The following MAGI1 variants were observed in gnomAD, a reference collection of about 807,000 sequenced individuals.
MAGI1 encodes the protein membrane-associated guanylate kinase, WW and PDZ domain-containing protein 1.
In MAGI1, 58 loss-of-function variants were observed where a neutral mutation model predicts 139.9. That is an observed-to-expected ratio of 0.41 (90% CI 0.34 to 0.52). The LOEUF (loss-of-function observed/expected upper bound fraction) is 0.52. MAGI1 is among the 20% of genes least tolerant of loss of function. The probability of loss-of-function intolerance (pLI) is 0.12; values close to 1 mark genes in which losing one functional copy is unlikely to be tolerated. For synonymous variants in MAGI1, 812 were observed against 737.9 expected (o/e 1.10, Z -1.63); for missense variants, 1,874 against 1,901.6 (o/e 0.99, Z 0.27).
intron 1 of MAGI1, among the ~76,000 whole-genome samples, chr3:65,792,566 A>G (rs1002970741): frequency 2.0e-5 from 3 of 152,132 alleles, no homozygotes; most frequent in Admixed American, 2.0e-4. Flanking sequence ...CTATATAGCT[A>G]GCTATAACAA....
chr3:65,933,136 A>C (rs1349674516), intron 1 of MAGI1, among the ~76,000 whole-genome samples: 1 of 152,216 alleles, frequency 6.6e-6, no homozygotes, highest in African/African-American at 2.4e-5. Flanking sequence ...ACTCAATATT[A>C]ATCCACTTGA....
At chr3:65,689,153 G>T (rs1315260631) in intron 1 of MAGI1, among the ~76,000 whole-genome samples, 1 of 152,196 alleles carries the variant, frequency 6.6e-6, no homozygotes, top group East Asian at 1.9e-4. Context: ...GTCTCTTCAA[G>T]GGAAAACAAA....
chr3:65,365,985 C>G (rs1386035757), intron 18 of MAGI1, among the ~76,000 whole-genome samples: 1 of 152,186 alleles, frequency 6.6e-6, no homozygotes, highest in Admixed American at 6.5e-5. Flanking sequence ...TCTTACTCAG[C>G]TTTGGTCCGG....
At chr3:65,676,243 A>G (rs2087182326) in intron 1 of MAGI1, among the ~76,000 whole-genome samples, 1 of 152,226 alleles carries the variant, frequency 6.6e-6, no homozygotes, top group African/African-American at 2.4e-5. Flanking sequence ...GCACTCACAC[A>G]TGACAATGAT....
intron 1 of MAGI1, among the ~76,000 whole-genome samples, chr3:66,026,719 C>G (rs1399653329): frequency 1.3e-5 from 2 of 151,782 alleles, no homozygotes; most frequent in Non-Finnish European, 2.9e-5. Flanking sequence ...TGAGACTGAT[C>G]AGAGAGAAGA....
chr3:65,949,330 CTGT>C, intron 1 of MAGI1, among the ~76,000 whole-genome samples: 1 of 152,322 alleles, frequency 6.6e-6, no homozygotes, highest in Admixed American at 6.5e-5. Flanking sequence ...ATTGCTATTT[CTGT>C]TGTTATTACT....
chr3:65,708,317 A>T (rs879500128), intron 1 of MAGI1, among the ~76,000 whole-genome samples: 1 of 152,198 alleles, frequency 6.6e-6, no homozygotes, highest in African/African-American at 2.4e-5. Flanking sequence ...TTTCATTGGG[A>T]TAAGTATCCT....
Position 65,549,160 on chromosome 3 carries a change from G to T in MAGI1, c.431-55529C>A, listed in dbSNP as rs563807988. ...ATGGCTGGCTGGAGCCTCCGGGCGC[G>T]GGAGGGACGCGACCGCCAGCCTGGG... On this transcript the variant is annotated intron_variant, in intron 2 of 22. Transcript: ENST00000402939. Among the ~76,000 whole-genome samples the T allele has an allele frequency of 3.9e-5, 6 of 152,234 alleles. No homozygotes were observed. The East Asian group carries it at 1.2e-3, about 30-fold the overall frequency.
chr3:65,898,097 T>C (rs1040105859), intron 1 of MAGI1, among the ~76,000 whole-genome samples: 4 of 152,214 alleles, frequency 2.6e-5, no homozygotes, highest in Admixed American at 2.6e-4. Flanking sequence ...TAAATGCTTG[T>C]GATTAGACTG....
intron 1 of MAGI1, among the ~76,000 whole-genome samples, chr3:65,721,996 C>T (rs572521549): frequency 6.6e-6 from 1 of 152,168 alleles, no homozygotes; most frequent in Admixed American, 6.5e-5. Flanking sequence ...CTCACTCTGC[C>T]CTTACAAGTC....
At position 65,598,240 on chromosome 3, in the gene MAGI1, G is replaced by T. The variant is rs578166327; in HGVS notation, c.430+23732C>A. Among the ~76,000 whole-genome samples the T allele has an allele frequency of 3.3e-5, 5 of 152,292 alleles. No homozygotes were observed. In the South Asian group the frequency reaches 1.0e-3, roughly 32 times the overall value. On this transcript the variant is annotated intron_variant, in intron 2 of 22. Transcript: ENST00000402939. ...TGCACCTGCGGAGGGGGCGGGGACTGAGCGAGCCTCTCCCTGCTGGGGCGT... is the reference window on the plus strand; with the variant it reads ...TGCACCTGCGGAGGGGGCGGGGACTTAGCGAGCCTCTCCCTGCTGGGGCGT...
chr3:65,864,016 G>C (rs897287816), intron 1 of MAGI1, among the ~76,000 whole-genome samples: 1 of 151,974 alleles, frequency 6.6e-6, no homozygotes, highest in Non-Finnish European at 1.5e-5. Flanking sequence ...AAATAAATGA[G>C]AGTGGAAAGA....
Position 65,785,587 on chromosome 3 carries a change from A to C in MAGI1, c.314-163499T>G, listed in dbSNP as rs186796055. ...GATAAAATTCAGTGAGATAATATAA[A>C]TCATCACAGGAAATGAAACATGTTA... On this transcript the variant is annotated intron_variant, in intron 1 of 22. Coordinates refer to ENST00000402939, the MANE Select transcript of MAGI1 (RefSeq NM_001033057.2). Among the ~76,000 whole-genome samples, 60 of 152,360 alleles carry C rather than the reference A, an allele frequency of 3.9e-4. 1 individual carries two copies. The East Asian group carries it at 8.5e-3, about 22-fold the overall frequency.
chr3:65,598,806 G>A (rs1004821519), intron 2 of MAGI1, among the ~76,000 whole-genome samples: 4 of 152,124 alleles, frequency 2.6e-5, no homozygotes, highest in Non-Finnish European at 4.4e-5. Flanking sequence ...AAGAGCCGGC[G>A]GTATCACCTC....
At chr3:65,765,190 T>C (rs905086249) in intron 1 of MAGI1, among the ~76,000 whole-genome samples, 11 of 152,166 alleles carry the variant, frequency 7.2e-5, no homozygotes, top group African/African-American at 2.7e-4. Flanking sequence ...GTATAACATA[T>C]GTGATCAACT....
In MAGI1 at chr3:65,703,164, A is replaced by G. The variant is rs187867562; in HGVS notation, c.314-81076T>C. Among the ~76,000 whole-genome samples the G allele has an allele frequency of 4.6e-5, 7 of 152,256 alleles. No individual in the cohort carries two copies. The East Asian group carries it at 1.4e-3, about 30-fold the overall frequency. On this transcript the variant is annotated intron_variant, in intron 1 of 22. Coordinates refer to ENST00000402939, the MANE Select transcript of MAGI1 (RefSeq NM_001033057.2). Reference sequence around the variant, plus strand: ...TTTTGGCAGGGGGTGGCTGGCTTTCAGTCTTTGCTGCTATACGTGCTTCCT... The same window carrying G: ...TTTTGGCAGGGGGTGGCTGGCTTTCGGTCTTTGCTGCTATACGTGCTTCCT...
At position 65,478,643 on chromosome 3, in the gene MAGI1, C is replaced by T. The variant is rs183105608; in HGVS notation, c.706G>A (p.Ala236Thr). The T allele has an allele frequency of 5.6e-6, 9 of 1,614,054 alleles. No homozygotes were observed. The highest frequency in any genetic ancestry group is 2.2e-5 in the East Asian group (1 of 44,864). ...ACGTCATCCTCCTCCTCATTCTCCG[C>T]GTGGACTATGCCAGCATTTTGCATA... ...NDMQNAGIVH[A>T]ENEEEDDVPE... Residue 236 changes from alanine to threonine, a missense_variant, in exon 4 of 23, where the codon GCG becomes ACG. Physicochemically the swap from Ala to Thr is moderately conservative, Grantham distance 58 (BLOSUM62 0). Transcript: ENST00000402939.
At chr3:65,832,216 C>G (rs2042567755) in intron 1 of MAGI1, among the ~76,000 whole-genome samples, 1 of 152,182 alleles carries the variant, frequency 6.6e-6, no homozygotes. Context: ...ATTTAACTGG[C>G]AGAAATGATG....
rs376345717 is a variant in MAGI1 at position 65,508,141 on chromosome 3, C to G, written c.431-14510G>C. 1.1e-4 allele frequency among the ~76,000 whole-genome samples: 17 copies of G among 152,268 alleles called. No individual in the cohort carries two copies. In the South Asian group the frequency reaches 3.5e-3, roughly 32 times the overall value. On this transcript the variant is annotated intron_variant, in intron 2 of 22. Transcript: ENST00000402939. Reference sequence around the variant, plus strand: ...AAAATCGGCCGGGCGCGGTGGCTCACGCCTGTAATCCCAGCACTTTGGGAG... The same window carrying G: ...AAAATCGGCCGGGCGCGGTGGCTCAGGCCTGTAATCCCAGCACTTTGGGAG...
Sources: gnomAD v4.1 joint callset for allele counts (sites outside exome capture counted in the v4.1 genomes callset) on GRCh38, gnomAD v4.1.1 for gene constraint, MANE v1.5 for transcripts, NCBI Gene and HGNC (gene_info 2026-07-23, HGNC 2026-07-21) for gene names.